Variants in LYRM4 observed in about 807,000 individuals in gnomAD.
LYRM4 encodes LYR motif-containing protein 4.
A neutral mutation model predicts 11.7 loss-of-function variants in LYRM4; 9 were observed. The ratio of observed to expected loss-of-function variants is 0.77; its 90% CI spans 0.46 to 1.34. The LOEUF (loss-of-function observed/expected upper bound fraction) is 1.34, where lower values mean the gene tolerates loss of function less well. LYRM4 is among the 40% of genes most tolerant of loss of function. LYRM4 has a pLI of 0.00. For missense variants in LYRM4, 133 were observed against 112.5 expected, an observed-to-expected ratio of 1.18 and a Z score of -0.82; for synonymous variants, 42 against 40.4, an observed-to-expected ratio of 1.04 and a Z score of -0.15.
At chr6:5,170,368 C>CATAT (rs533129772) in intron 2 of LYRM4, among the ~76,000 whole-genome samples, 15 of 151,198 alleles carry the variant, frequency 9.9e-5, no homozygotes, top group Non-Finnish European at 1.3e-4. Context: ...TGTATGTGCA[C>CATAT]ATATATATAT....
chr6:5,217,477 C>T lies in LYRM4; in HGVS notation c.87-739G>A, dbSNP rs914225432. On this transcript the variant is annotated intron_variant, in intron 1 of 2. Transcript: ENST00000330636. ...CTCCAGCTTCTACTGTTTGTGTGAA[C>T]TTGGGCAAGCTTCTTAACACAAGGC... 2.6e-5 allele frequency among the ~76,000 whole-genome samples: 4 copies of T among 152,334 alleles called. No homozygotes were observed. In the East Asian group the frequency reaches 7.7e-4, roughly 29 times the overall value.
chr6:5,220,649 C>T (rs996840382), intron 1 of LYRM4, among the ~76,000 whole-genome samples: 1 of 152,172 alleles, frequency 6.6e-6, no homozygotes, highest in Non-Finnish European at 1.5e-5. Context: ...CTGGTGTATT[C>T]CGGGAGCCTG....
intron 1 of LYRM4, among the ~76,000 whole-genome samples, chr6:5,250,965 A>G (rs977239214): frequency 6.6e-6 from 1 of 152,240 alleles, no homozygotes; most frequent in African/African-American, 2.4e-5. Context: ...CAGCCAAAAC[A>G]TCATTATGCA....
chr6:5,241,834 C>T (rs2773298), intron 1 of LYRM4, among the ~76,000 whole-genome samples: 44,323 of 151,802 alleles, frequency 0.29, 8,195 homozygotes, highest in African/African-American at 0.53. Flanking sequence ...GAAAACAGGC[C>T]GTGGAGATAA....
At chr6:5,186,866 C>T in intron 2 of LYRM4, 1 of 460,200 alleles carries the variant, frequency 2.2e-6, no homozygotes, top group Non-Finnish European at 3.6e-6. Flanking sequence ...CGCCTATAAT[C>T]CCAGCTACTC....
At chr6:5,097,805 TG>T in the LYRM4 span, among the ~76,000 whole-genome samples, 1 of 152,250 alleles carries the variant, frequency 6.6e-6, no homozygotes, top group African/African-American at 2.4e-5. Flanking sequence ...CCACCGCAGA[TG>T]TGTATTAAGC....
chr6:5,096,841 T>C, the LYRM4 span, among the ~76,000 whole-genome samples: 1 of 152,230 alleles, frequency 6.6e-6, no homozygotes, highest in African/African-American at 2.4e-5. Flanking sequence ...TTGCTGATTT[T>C]ATTCTGAGGA....
intron 1 of LYRM4, chr6:5,240,553 G>A (rs772685713): frequency 7.2e-5 from 11 of 152,034 alleles, no homozygotes; most frequent in African/African-American, 1.7e-4. Flanking sequence ...GCACACCAAG[G>A]GTTTTGCCAA....
chr6:5,200,559 A>G (rs1436880966), intron 2 of LYRM4, among the ~76,000 whole-genome samples: 1 of 152,238 alleles, frequency 6.6e-6, no homozygotes, highest in Admixed American at 6.5e-5. Context: ...TAATCACGAG[A>G]GCAAAGATTG....
the LYRM4 span, among the ~76,000 whole-genome samples, chr6:5,094,060 A>G: frequency 6.6e-6 from 1 of 152,232 alleles, no homozygotes; most frequent in African/African-American, 2.4e-5. Context: ...GTGCTCCTTT[A>G]TCAGCTACAC....
intron 2 of LYRM4, among the ~76,000 whole-genome samples, chr6:5,170,900 C>A (rs1759391525): frequency 1.3e-5 from 2 of 152,186 alleles, no homozygotes; most frequent in South Asian, 4.1e-4. Flanking sequence ...AACGGTCCAC[C>A]ATTAGGGGTT....
chr6:5,067,699 A>AT, the LYRM4 span, among the ~76,000 whole-genome samples: 1 of 152,136 alleles, frequency 6.6e-6, no homozygotes, highest in Admixed American at 6.5e-5. Flanking sequence ...AAACTAATGG[A>AT]TTTTTTTGTA....
chr6:5,144,333 C>T lies in LYRM4; in HGVS notation c.208-34842G>A, dbSNP rs1032409646. ...TTGGACAAGAAAAAGAAGTGGCTTA[C>T]GTGTAAGAAATATGTCAGGTGAGGC... On this transcript the variant is annotated intron_variant, in intron 2 of 2. Transcript: ENST00000330636. The T allele has an allele frequency of 2.0e-5, 31 of 1,519,250 alleles. 1 individual carries two copies. Among genetic ancestry groups the T allele is most frequent in the East Asian group, 9.8e-5 (4 of 40,696 alleles). 94.1% of individuals were successfully genotyped at this position (1,519,250 alleles called of 1,614,324 possible).
chr6:5,165,902 G>C (rs1423326038), intron 2 of LYRM4, among the ~76,000 whole-genome samples: 2 of 152,136 alleles, frequency 1.3e-5, no homozygotes, highest in African/African-American at 4.8e-5. Context: ...CTGTGATTGA[G>C]CTTCACATAT....
At chr6:5,065,379 T>C in the LYRM4 span, among the ~76,000 whole-genome samples, 44,459 of 152,032 alleles carry the variant, frequency 0.29, 6,701 homozygotes, top group Middle Eastern at 0.39. Flanking sequence ...TTAAACAATT[T>C]CATTCTGTAG....
chr6:5,118,094 A>ATATATATATATT, intron 2 of LYRM4, among the ~76,000 whole-genome samples: 157 of 86,088 alleles, frequency 1.8e-3, no homozygotes, highest in Middle Eastern at 0.011. Flanking sequence ...ATATATATAT[A>ATATATATATATT]TTTTTGTTTT....
chr6:5,120,147 G>A (rs1003241992), intron 2 of LYRM4, among the ~76,000 whole-genome samples: 4 of 152,000 alleles, frequency 2.6e-5, no homozygotes, highest in Admixed American at 6.6e-5. Flanking sequence ...CATCCACCTC[G>A]GCCTCCCAAA....
Position 5,203,208 on chromosome 6 carries a change from G to T in LYRM4, c.207+13410C>A, listed in dbSNP as rs184643306. Among the ~76,000 whole-genome samples, 15 of 152,278 alleles carry T rather than the reference G, an allele frequency of 9.9e-5. No homozygotes were observed. In the East Asian group the frequency reaches 2.7e-3, roughly 27 times the overall value. The stretch of plus-strand genomic sequence containing the variant: ...GATGCTCGGAAATACAGGCTGAGAT[G>T]GGTATTACAGAAATCCAAGGAAAAT... On this transcript the variant is annotated intron_variant, in intron 2 of 2. Transcript: ENST00000330636.
Position 5,198,366 on chromosome 6 carries a change from C to T in LYRM4, c.207+18252G>A, listed in dbSNP as rs188232767. Among the ~76,000 whole-genome samples, 326 of 152,310 alleles carry T rather than the reference C, an allele frequency of 2.1e-3. 2 individuals carry two copies. The highest frequency in any genetic ancestry group is 6.9e-3 in the African/African-American group (285 of 41,584). ...TGAAGTTTCAAAGGATAAGCAGCAT[C>T]AGGTTTGTCAAGAAGAATCAGGCTA... is the stretch of plus-strand genomic sequence containing the variant. On this transcript the variant is annotated intron_variant, in intron 2 of 2. Coordinates refer to ENST00000330636, the MANE Select transcript of LYRM4 (RefSeq NM_020408.6).
Sources: gnomAD v4.1 joint callset for allele counts (sites outside exome capture counted in the v4.1 genomes callset) on GRCh38, gnomAD v4.1.1 for gene constraint, MANE v1.5 for transcripts, NCBI Gene and HGNC (gene_info 2026-07-23, HGNC 2026-07-21) for gene names.